Variants in IL22 observed in about 807,000 individuals in gnomAD.
IL22 encodes interleukin-22.
A neutral mutation model predicts 15.5 loss-of-function variants in IL22; 15 were observed. That is an observed-to-expected ratio of 0.97 (90% CI 0.65 to 1.49). The LOEUF is 1.49. IL22 is among the 40% of genes most tolerant of loss of function. The pLI is 0.00. For missense variants in IL22, 225 were observed against 215.4 expected, an observed-to-expected ratio of 1.04 and a Z score of -0.28; for synonymous variants, 91 against 82.0, an observed-to-expected ratio of 1.11 and a Z score of -0.60.
intron 4 of IL22, among the ~76,000 whole-genome samples, chr12:68,252,275 T>C (rs991020396): frequency 5.3e-5 from 8 of 152,220 alleles, no homozygotes. Flanking sequence ...ATGCGGCTTC[T>C]GTACACTTAA....
chr12:68,253,119 G>A, intron 2 of IL22, 144 bp downstream of exon 2: 1 of 651,412 alleles, frequency 1.5e-6, no homozygotes, highest in Middle Eastern at 3.7e-4. Flanking sequence ...TTCCCAAAGA[G>A]TCTCTGAAAA....
At position 68,253,345 on chromosome 12, in the gene IL22, G is replaced by C. The variant is rs765938984; in HGVS notation, c.104C>G (p.Pro35Arg). Residue 35 changes from proline to arginine, a missense_variant, in exon 2 of 6, where the codon CCC (proline) becomes CGC (arginine). By Grantham distance (103) the Pro-to-Arg change is moderately radical. Transcript: ENST00000538666. ...GTCAAGCCTGCAGTGGGAGCTGATG[G>C]GCGCAGCTGCTCCTCCCTGTACCAA... Reference protein sequence around the residue: ...ALLVQGGAAAPISSHCRLDKS... With the variant: ...ALLVQGGAAARISSHCRLDKS... The C allele has an allele frequency of 6.2e-7, 1 of 1,613,800 alleles. No individual in the cohort carries two copies. The highest frequency in any genetic ancestry group is 8.5e-7 in the Non-Finnish European group (1 of 1,179,792).
rs913013458 is a variant in IL22 at position 68,253,466 on chromosome 12, C to G, written c.-18G>C. On this transcript the variant is annotated 5_prime_UTR_variant, in exon 2 of 6. Transcript: ENST00000538666. ...GCGGCCATTGCAGACAATTCTAACT[C>G]GAGCAACTGGTGACTGGGGAAGGAG... 6.5e-7 allele frequency: 1 copy of G among 1,545,358 alleles called. No homozygotes were observed. Among genetic ancestry groups the G allele is most frequent in the Non-Finnish European group, 8.8e-7 (1 of 1,140,158 alleles).
At chr12:68,248,910 T>C (rs760397239) in intron 5 of IL22, 34 bp from the exon 6 acceptor site, 2 of 1,532,198 alleles carry the variant, frequency 1.3e-6, no homozygotes, top group East Asian at 2.2e-5. Flanking sequence ...TATTTGAGCA[T>C]TTATGCCATG....
chr12:68,249,381 C>A (rs553594430), intron 5 of IL22, among the ~76,000 whole-genome samples: 1 of 152,282 alleles, frequency 6.6e-6, no homozygotes, highest in East Asian at 1.9e-4. Flanking sequence ...TATGCATGGA[C>A]TTTTTTAGCT....
At position 68,252,546 on chromosome 12, in the gene IL22, C is replaced by T. The variant is rs1157512227; in HGVS notation, c.354G>A (p.Val118=). ...TGCTGAGCCTGGCCAGGAAGGGCAC[C>T]ACCTCCTGCATATAAGGCTGGAACC... ...SDRFQPYMQE[V]VPFLARLSNR... is the part of the protein sequence containing the mutation. The change falls in exon 4 of 6, where the codon GTG becomes GTA. Residue 118 remains valine (V), a synonymous_variant. Coordinates refer to ENST00000538666, the MANE Select transcript of IL22 (RefSeq NM_020525.5). 6.2e-7 allele frequency: 1 copy of T among 1,613,884 alleles called. No homozygotes were observed. The highest frequency in any genetic ancestry group is 8.5e-7 in the Non-Finnish European group (1 of 1,179,956).
chr12:68,250,910 C>T (rs1331397310), intron 5 of IL22, among the ~76,000 whole-genome samples: 1 of 152,146 alleles, frequency 6.6e-6, no homozygotes, highest in Non-Finnish European at 1.5e-5. Context: ...TCTGCTCTTG[C>T]TTTTAAACTA....
chr12:68,249,619 C>A (rs187293620), intron 5 of IL22, among the ~76,000 whole-genome samples: 2 of 152,322 alleles, frequency 1.3e-5, no homozygotes, highest in East Asian at 3.9e-4. Context: ...GTCTTTTCCA[C>A]TTGCTTTAGT....
rs369755821 is a variant in IL22 at position 68,248,788 on chromosome 12, C to A, written c.*11G>T. 9 of 1,607,938 alleles carry A rather than the reference C, an allele frequency of 5.6e-6. No individual in the cohort carries two copies. The African/African-American group carries it at 9.4e-5, about 17-fold the overall frequency. ...AGGGGGTTAGTTATTCATTTTTCAGCTTTGCTCTGGTCAAATGCAGGCATT... is the reference window on the plus strand; with the variant it reads ...AGGGGGTTAGTTATTCATTTTTCAGATTTGCTCTGGTCAAATGCAGGCATT... On this transcript the variant is annotated 3_prime_UTR_variant, in exon 6 of 6. Transcript: ENST00000538666.
rs761157596 is a variant in IL22, at chr12:68,251,568, C to T, written c.407G>A (p.Gly136Asp). 1.2e-6 allele frequency: 2 copies of T among 1,611,138 alleles called. No homozygotes were observed. Among genetic ancestry groups the T allele is most frequent in the East Asian group, 2.2e-5 (1 of 44,854 alleles). The change falls in exon 5 of 6, where the codon GGT becomes GAT. Residue 136 changes from glycine (G) to aspartate (D), a missense_variant. Coordinates refer to ENST00000538666, the MANE Select transcript of IL22 (RefSeq NM_020525.5). ...SNRLSTCHIE[G>D]DDLHIQRNVQ... ...ATTCCTCTGGATATGCAGGTCATCACCTTCAATATGCTATAAAACAATAAC... is the reference window on the plus strand; with the variant it reads ...ATTCCTCTGGATATGCAGGTCATCATCTTCAATATGCTATAAAACAATAAC...
At chr12:68,252,368 C>G (rs1592914619) in intron 4 of IL22, 136 bp downstream of exon 4, 2 of 825,292 alleles carry the variant, frequency 2.4e-6, no homozygotes, top group East Asian at 5.2e-5. Flanking sequence ...CCAAATGACT[C>G]CTGATAACAC....
intron 5 of IL22, 130 bp downstream of exon 5, chr12:68,251,383 C>T (rs921514779): frequency 2.4e-5 from 17 of 708,542 alleles, no homozygotes; most frequent in Non-Finnish European, 4.4e-5. Flanking sequence ...TACACAGACA[C>T]CAAAGTAATC....
At position 68,251,564 on chromosome 12, in the gene IL22, A is replaced by G. The variant is rs1054529939; in HGVS notation, c.411T>C (p.Asp137=). The change falls in exon 5 of 6, where the codon GAT becomes GAC. Residue 137 remains aspartate (D), a synonymous_variant. Coordinates refer to ENST00000538666, the MANE Select transcript of IL22 (RefSeq NM_020525.5). ...NRLSTCHIEG[D]DLHIQRNVQK... ...GCACATTCCTCTGGATATGCAGGTC[A>G]TCACCTTCAATATGCTATAAAACAA... 6.2e-7 allele frequency: 1 copy of G among 1,611,664 alleles called. No individual in the cohort carries two copies. Among genetic ancestry groups the G allele is most frequent in the South Asian group, 1.1e-5 (1 of 91,016 alleles).
At chr12:68,249,855 T>A (rs932323610) in intron 5 of IL22, among the ~76,000 whole-genome samples, 3 of 152,216 alleles carry the variant, frequency 2.0e-5, no homozygotes, top group African/African-American at 7.2e-5. Flanking sequence ...TCTTCCGCCC[T>A]TTCACCTTTC....
chr12:68,248,948 G>A, intron 5 of IL22, 72 bp from the exon 6 acceptor site: 1 of 1,221,392 alleles, frequency 8.2e-7, no homozygotes, highest in Non-Finnish European at 1.2e-6. Context: ...ATTAGAAATT[G>A]CAAGATTAGG....
chr12:68,249,781 A>T (rs2120543953), intron 5 of IL22, among the ~76,000 whole-genome samples: 1 of 152,336 alleles, frequency 6.6e-6, no homozygotes, highest in East Asian at 1.9e-4. Flanking sequence ...TATTTGCATT[A>T]TTTCAAGAAA....
At position 68,248,621 on chromosome 12, in the gene IL22, AC is replaced by A; in HGVS notation, c.*177del. ...GAAAGTCTACCTTCTGGTCTTATAA[AC>A]AAAAGTGGCATTGGTTTCCTTTGTA... is the stretch of plus-strand genomic sequence containing the variant. On this transcript the variant is annotated 3_prime_UTR_variant, in exon 6 of 6. Transcript: ENST00000538666. 1 of 579,140 alleles carries A rather than the reference AC, an allele frequency of 1.7e-6. No individual in the cohort carries two copies. The allele number at this position is 579,140 out of a possible 1,614,324, so 35.9% of individuals were successfully genotyped here.
Position 68,252,746 on chromosome 12 carries a change from G to C in IL22, c.252+18C>G. ...CCATGGACGGCACACGGCCCTGTTC[G>C]TCACAACTGTAGCTTACACTGACTC... On this transcript the variant is annotated intron_variant, in intron 3 of 5. Coordinates refer to ENST00000538666, the MANE Select transcript of IL22 (RefSeq NM_020525.5). 6.2e-7 allele frequency: 1 copy of C among 1,613,182 alleles called. No individual in the cohort carries two copies. The highest frequency in any genetic ancestry group is 1.7e-5 in the Admixed American group (1 of 60,008).
chr12:68,249,831 T>G (rs1430173360), intron 5 of IL22, among the ~76,000 whole-genome samples: 1 of 152,238 alleles, frequency 6.6e-6, no homozygotes, highest in African/African-American at 2.4e-5. Context: ...ACATGGTTCT[T>G]CCTTTTCCTG....
Sources: allele counts gnomAD v4.1 joint callset (sites outside exome capture counted in the v4.1 genomes callset), GRCh38; gene constraint gnomAD v4.1.1; transcripts MANE v1.5; gene names NCBI Gene and HGNC (gene_info 2026-07-23, HGNC 2026-07-21).